SPMIP2: variants seen among roughly 807,000 people sequenced by gnomAD.
SPMIP2 encodes the protein sperm microtubule inner protein 2, also known as protein SPMIP2.
chr4:158,902,850 C>A, the SPMIP2 span, among the ~76,000 whole-genome samples: 3 of 152,162 alleles, frequency 2.0e-5, no homozygotes, highest in African/African-American at 7.2e-5. Context: ...CAACCTCAAA[C>A]GTCCCAGGTC....
chr4:158,933,975 T>C, the SPMIP2 span, among the ~76,000 whole-genome samples: 1 of 152,244 alleles, frequency 6.6e-6, no homozygotes, highest in African/African-American at 2.4e-5. Context: ...TAGTACGTAT[T>C]GAGACATATG....
At chr4:158,923,805 A>C in the SPMIP2 span, among the ~76,000 whole-genome samples, 96 of 152,282 alleles carry the variant, frequency 6.3e-4, no homozygotes, top group Admixed American at 6.1e-3. Flanking sequence ...TAGAATAAAC[A>C]CATGCAGTTT....
At chr4:158,987,604 G>A in the SPMIP2 span, among the ~76,000 whole-genome samples, 1 of 152,062 alleles carries the variant, frequency 6.6e-6, no homozygotes, top group Admixed American at 6.6e-5. Flanking sequence ...ACAGAAAGGG[G>A]AACAACACAC....
the SPMIP2 span, among the ~76,000 whole-genome samples, chr4:159,054,214 C>T: frequency 3.9e-5 from 6 of 152,090 alleles, no homozygotes; most frequent in African/African-American, 1.4e-4. Context: ...AACTCCTGTC[C>T]TCAGGTGAAC....
the SPMIP2 span, among the ~76,000 whole-genome samples, chr4:158,964,508 G>A: frequency 5.3e-5 from 8 of 152,122 alleles, no homozygotes; most frequent in African/African-American, 1.2e-4. Context: ...AATTTGTTAC[G>A]CAACAGAAAA....
chr4:158,904,708 G>T, the SPMIP2 span: 1 of 619,964 alleles, frequency 1.6e-6, no homozygotes, highest in Non-Finnish European at 2.8e-6. Context: ...ATGCTTCATT[G>T]AAGACTTAGG....
chr4:158,943,993 C>T, the SPMIP2 span, among the ~76,000 whole-genome samples: 1 of 150,298 alleles, frequency 6.7e-6, no homozygotes, highest in Non-Finnish European at 1.5e-5. Context: ...GTAGCTGGGA[C>T]TACAGGCGCC....
the SPMIP2 span, among the ~76,000 whole-genome samples, chr4:158,958,366 T>C: frequency 5.3e-5 from 8 of 152,248 alleles, no homozygotes; most frequent in Admixed American, 2.0e-4. Context: ...CTGACCTCAA[T>C]TGATCCTCCT....
At chr4:159,053,600 T>C in the SPMIP2 span, among the ~76,000 whole-genome samples, 1 of 152,166 alleles carries the variant, frequency 6.6e-6, no homozygotes, top group African/African-American at 2.4e-5. Flanking sequence ...AGTTCCCTTC[T>C]ACCACCCCAT....
At chr4:158,950,707 C>G in the SPMIP2 span, among the ~76,000 whole-genome samples, 1 of 152,214 alleles carries the variant, frequency 6.6e-6, no homozygotes, top group East Asian at 1.9e-4. Context: ...ACCAGCCTGG[C>G]CAACATGGTG....
At chr4:158,962,081 G>A in the SPMIP2 span, among the ~76,000 whole-genome samples, 1 of 152,040 alleles carries the variant, frequency 6.6e-6, no homozygotes, top group South Asian at 2.1e-4. Context: ...CTTCAAATAA[G>A]TCTGTTTATT....
the SPMIP2 span, among the ~76,000 whole-genome samples, chr4:158,963,496 A>G: frequency 6.6e-6 from 1 of 152,120 alleles, no homozygotes; most frequent in African/African-American, 2.4e-5. Context: ...CATGTTGCCC[A>G]GGCTGGTCTC....
At chr4:158,958,956 T>C in the SPMIP2 span, among the ~76,000 whole-genome samples, 1 of 152,244 alleles carries the variant, frequency 6.6e-6, no homozygotes, top group African/African-American at 2.4e-5. Context: ...TCTCAGTGTT[T>C]GCAAAGTAAT....
the SPMIP2 span, among the ~76,000 whole-genome samples, chr4:158,976,438 CTTA>C: frequency 2.0e-5 from 3 of 151,966 alleles, no homozygotes; most frequent in African/African-American, 7.3e-5. Context: ...ATAAATAGCT[CTTA>C]TTATTTTGAA....
chr4:158,961,843 G>GT, the SPMIP2 span, among the ~76,000 whole-genome samples: 1 of 151,690 alleles, frequency 6.6e-6, no homozygotes, highest in African/African-American at 2.4e-5. Context: ...GGACATCTAT[G>GT]TTTACTGTAG....
chr4:158,904,617 C>T, the SPMIP2 span: 1 of 1,276,460 alleles, frequency 7.8e-7, no homozygotes, highest in Non-Finnish European at 1.1e-6. Flanking sequence ...GGAATAAGCT[C>T]TCTGTGATGT....
chr4:159,020,919 G>A, the SPMIP2 span, among the ~76,000 whole-genome samples: 1 of 151,970 alleles, frequency 6.6e-6, no homozygotes, highest in Non-Finnish European at 1.5e-5. Context: ...CCACCACCAC[G>A]CCCGGCTAAT....
At chr4:158,895,939 C>G in the SPMIP2 span, 12 of 1,095,824 alleles carry the variant, frequency 1.1e-5, no homozygotes, top group South Asian at 1.5e-4. Context: ...ACGTGTTTAG[C>G]CTGTGTCACC....
the SPMIP2 span, among the ~76,000 whole-genome samples, chr4:159,055,177 G>A: frequency 2.0e-5 from 3 of 152,194 alleles, no homozygotes; most frequent in Admixed American, 1.3e-4. Context: ...ACTACCTGAA[G>A]AATTCAGTGA....
Sources: gnomAD v4.1 joint callset for allele counts (sites outside exome capture counted in the v4.1 genomes callset) on GRCh38, gnomAD v4.1.1 for gene constraint, MANE v1.5 for transcripts, NCBI Gene and HGNC (gene_info 2026-07-23, HGNC 2026-07-21) for gene names.